POLQ: variants seen among roughly 807,000 people sequenced by gnomAD.
POLQ encodes epididymis secretory sperm binding protein.
Under a neutral mutation model 259.2 loss-of-function variants are expected in POLQ, and 233 were observed. That is an observed-to-expected ratio of 0.90 (90% confidence interval 0.81 to 1.00). POLQ has a LOEUF of 1.00. POLQ is among the 50% of genes least tolerant of loss of function. The pLI, the probability that POLQ is intolerant of heterozygous loss-of-function variation, is 0.00. For missense variants in POLQ, 2,871 were observed against 3,051.6 expected, an observed-to-expected ratio of 0.94 and a Z score of 1.39; for synonymous variants, 1,025 against 1,048.8, an observed-to-expected ratio of 0.98 and a Z score of 0.44.
chr3:121,437,011 A>G (rs542317428), intron 27 of POLQ, among the ~76,000 whole-genome samples: 39 of 152,126 alleles, frequency 2.6e-4, no homozygotes, highest in Non-Finnish European at 5.1e-4. Flanking sequence ...AAGAAAATGA[A>G]AAAGGTCTAC....
intron 22 of POLQ, among the ~76,000 whole-genome samples, chr3:121,470,461 C>T (rs1172690908): frequency 1.3e-5 from 2 of 152,106 alleles, no homozygotes; most frequent in African/African-American, 4.8e-5. Flanking sequence ...AAAGCAGCAC[C>T]TCATGGAGCC....
At chr3:121,502,286 C>T (rs1471554216) in intron 12 of POLQ, among the ~76,000 whole-genome samples, 1 of 152,168 alleles carries the variant, frequency 6.6e-6, no homozygotes, top group Non-Finnish European at 1.5e-5. Context: ...TCACTGCAAC[C>T]TCTACCTCCC....
At chr3:121,537,892 A>G (rs2048461602) in intron 4 of POLQ, among the ~76,000 whole-genome samples, 1 of 152,204 alleles carries the variant, frequency 6.6e-6, no homozygotes, top group Admixed American at 6.5e-5. Context: ...CAAACTTCAA[A>G]CCATAAATCA....
chr3:121,498,474 T>C lies in POLQ; in HGVS notation c.2153+3A>G, dbSNP rs372748859. On this transcript the variant is annotated splice_donor_region_variant and intron_variant, in intron 13 of 29. Transcript: ENST00000264233. ...CGGAGAGCCCAGAGACCTTGACGTT[T>C]ACCTTTTATGGATGGCCATTTGTCG... 2 of 1,611,578 alleles carry C rather than the reference T, an allele frequency of 1.2e-6. No homozygotes were observed. Among genetic ancestry groups the C allele is most frequent in the Non-Finnish European group, 8.5e-7 (1 of 1,178,154 alleles).
In POLQ at chr3:121,449,868, C is replaced by T. The variant is rs538918202; in HGVS notation, c.7153-442G>A. On this transcript the variant is annotated intron_variant, in intron 25 of 29. Transcript: ENST00000264233. Reference sequence around the variant, plus strand: ...AAGAGTAGGCTTTGTGACTTTATGACGAAGACTTAACTGGAAAAAAAAATC... The same window carrying T: ...AAGAGTAGGCTTTGTGACTTTATGATGAAGACTTAACTGGAAAAAAAAATC... Among the ~76,000 whole-genome samples the T allele has an allele frequency of 3.2e-4, 48 of 151,936 alleles. 1 individual carries two copies. The highest frequency in any genetic ancestry group is 1.5e-3 in the South Asian group (7 of 4,816).
In POLQ at chr3:121,502,400, C is replaced by T. The variant is rs182271084; in HGVS notation, c.1960-3730G>A. On this transcript the variant is annotated intron_variant, in intron 12 of 29. Transcript: ENST00000264233. ...TGTATTTTTAGTAAAGATGGGGCCT[C>T]ACCATGATGACCAGGCTGGTCTTGA... is the stretch of plus-strand genomic sequence containing the variant. 1.4e-4 allele frequency among the ~76,000 whole-genome samples: 21 copies of T among 152,272 alleles called. No individual in the cohort carries two copies. In the East Asian group the frequency reaches 4.1e-3, roughly 29 times the overall value.
intron 17 of POLQ, among the ~76,000 whole-genome samples, chr3:121,484,252 A>T (rs2047992917): frequency 6.6e-6 from 1 of 152,230 alleles, no homozygotes; most frequent in Admixed American, 6.5e-5. Flanking sequence ...GGTATCCAAC[A>T]TCCACATTCA....
intron 12 of POLQ, among the ~76,000 whole-genome samples, chr3:121,503,278 G>A (rs960445228): frequency 3.9e-5 from 6 of 152,122 alleles, no homozygotes; most frequent in African/African-American, 1.4e-4. Context: ...TGTGTAGCAG[G>A]CTATACCATC....
At chr3:121,474,033 T>A (rs1480056714) in intron 20 of POLQ, among the ~76,000 whole-genome samples, 1 of 152,210 alleles carries the variant, frequency 6.6e-6, no homozygotes, top group African/African-American at 2.4e-5. Flanking sequence ...AGCCAGCTTT[T>A]AAGCAGTCAG....
intron 26 of POLQ, among the ~76,000 whole-genome samples, chr3:121,447,011 G>GT (rs1296686658): frequency 5.3e-5 from 8 of 151,134 alleles, no homozygotes; most frequent in African/African-American, 9.7e-5. Flanking sequence ...TTGTTCCATG[G>GT]TTTTTTTTCT....
At position 121,529,766 on chromosome 3, in the gene POLQ, T is replaced by G. The variant is rs201384851; in HGVS notation, c.987A>C (p.Leu329Phe). The change falls in exon 7 of 30, where the codon TTA becomes TTC. Residue 329 changes from leucine (L) to phenylalanine (F), a missense_variant. Around this residue, in one of 3 missense-constraint regions of POLQ, gnomAD observed 783 missense variants for 906.2 expected, o/e 0.86. Coordinates refer to ENST00000264233, the MANE Select transcript of POLQ (RefSeq NM_199420.4). ...GGTTATCACAAATCGTCTCATAACA[T>G]AAACTAACAACATGGTCCTCATCTC... ...VKGDEDHVVS[L>F]CYETICDNHS... 25 of 1,612,096 alleles carry G rather than the reference T, an allele frequency of 1.6e-5. No individual in the cohort carries two copies. In the East Asian group the frequency reaches 5.6e-4, roughly 36 times the overall value.
At chr3:121,444,094 T>C (rs1400816460) in intron 26 of POLQ, among the ~76,000 whole-genome samples, 1 of 152,154 alleles carries the variant, frequency 6.6e-6, no homozygotes, top group Non-Finnish European at 1.5e-5. Context: ...ATGTAAATTG[T>C]AGTACTTTTT....
intron 2 of POLQ, among the ~76,000 whole-genome samples, chr3:121,543,826 T>C (rs1264789100): frequency 4.0e-5 from 6 of 151,464 alleles, no homozygotes; most frequent in Admixed American, 4.0e-4. Context: ...CTACTAAAAA[T>C]ACAAAAATTA....
chr3:121,509,983 ACAAC>A, intron 11 of POLQ, 52 bp downstream of exon 11: 1 of 1,347,922 alleles, frequency 7.4e-7, no homozygotes, highest in Non-Finnish European at 1.1e-6. Flanking sequence ...GAGCAGTCAT[ACAAC>A]CTCACTAAAG....
intron 12 of POLQ, among the ~76,000 whole-genome samples, chr3:121,506,806 T>C (rs573222270): frequency 1.3e-5 from 2 of 152,356 alleles, no homozygotes; most frequent in South Asian, 4.1e-4. Flanking sequence ...TGTACCATGT[T>C]ACTTACTGAA....
chr3:121,502,197 T>G (rs1037198433), intron 12 of POLQ, among the ~76,000 whole-genome samples: 4 of 152,164 alleles, frequency 2.6e-5, no homozygotes, highest in Non-Finnish European at 4.4e-5. Flanking sequence ...ATGCATATTT[T>G]TGTACTGTAT....
At position 121,489,811 on chromosome 3, in the gene POLQ, T is replaced by G; in HGVS notation, c.3120A>C (p.Arg1040=). Residue 1040 remains arginine, a synonymous_variant, in exon 16 of 30, where the codon CGA becomes CGC. Coordinates refer to ENST00000264233, the MANE Select transcript of POLQ (RefSeq NM_199420.4). ...FNSEKMSRSF[R]SWKRRKHLKR... ...TTAGATGCTTTCTACGTTTCCAAGA[T>G]CGAAAACTTCTGCTCATCTTTTCTG... 1.2e-6 allele frequency: 2 copies of G among 1,613,134 alleles called. No individual in the cohort carries two copies. The highest frequency in any genetic ancestry group is 1.7e-6 in the Non-Finnish European group (2 of 1,179,864).
At chr3:121,493,078 G>A (rs1231068115) in intron 15 of POLQ, among the ~76,000 whole-genome samples, 1 of 152,048 alleles carries the variant, frequency 6.6e-6, no homozygotes, top group Non-Finnish European at 1.5e-5. Flanking sequence ...GAGGCAGGGG[G>A]ATTGGCTGAG....
At chr3:121,440,240 T>A in intron 26 of POLQ, 124 bp from the exon 27 acceptor site, 2 of 645,266 alleles carry the variant, frequency 3.1e-6, no homozygotes, top group Non-Finnish European at 5.1e-6. Flanking sequence ...TATCATATCG[T>A]CAAATCAGGC....
Sources: allele counts gnomAD v4.1 joint callset (sites outside exome capture counted in the v4.1 genomes callset), GRCh38; gene constraint gnomAD v4.1.1; regional missense constraint gnomAD v4.1.1; transcripts MANE v1.5; gene names NCBI Gene and HGNC (gene_info 2026-07-23, HGNC 2026-07-21).